CCSER1: variants seen among roughly 807,000 people sequenced by gnomAD.
CCSER1 encodes the protein coiled-coil serine rich protein 1.
A neutral mutation model predicts 82.0 loss-of-function variants in CCSER1; 41 were observed. That is an observed-to-expected ratio of 0.50 (90% CI 0.39 to 0.65). The LOEUF is 0.65. Ranked by LOEUF, CCSER1 falls within the 30% of genes least tolerant of loss-of-function variation. The probability of loss-of-function intolerance (pLI) is 0.00; values close to 1 mark genes in which losing one functional copy is unlikely to be tolerated. For synonymous variants in CCSER1, 414 were observed against 383.9 expected, an observed-to-expected ratio of 1.08 and a Z score of -0.92; for missense variants, 1,119 against 1,064.2, an observed-to-expected ratio of 1.05 and a Z score of -0.72.
intron 10 of CCSER1, among the ~76,000 whole-genome samples, chr4:91,436,743 CAG>C (rs1228507249): frequency 6.6e-6 from 1 of 152,076 alleles, no homozygotes; most frequent in Non-Finnish European, 1.5e-5. Flanking sequence ...GCTAGGGAAA[CAG>C]AGAGATAGCC....
chr4:90,846,511 GATCAA>G (rs1763253879), intron 8 of CCSER1, among the ~76,000 whole-genome samples: 2 of 152,104 alleles, frequency 1.3e-5, no homozygotes, highest in African/African-American at 2.4e-5. Flanking sequence ...AATGTTTAAT[GATCAA>G]ATCAAGGCAT....
chr4:90,618,398 T>G (rs1721694337), intron 5 of CCSER1, among the ~76,000 whole-genome samples: 1 of 151,978 alleles, frequency 6.6e-6, no homozygotes, highest in South Asian at 2.1e-4. Context: ...ATAACACAAA[T>G]TATCAGAAGC....
chr4:90,227,822 G>T (rs1743503551), intron 1 of CCSER1, among the ~76,000 whole-genome samples: 1 of 152,230 alleles, frequency 6.6e-6, no homozygotes, highest in South Asian at 2.1e-4. Context: ...AGCGCAAAGA[G>T]TCAGGGAGTT....
chr4:91,243,055 G>A (rs1332016252), intron 10 of CCSER1, among the ~76,000 whole-genome samples: 1 of 152,200 alleles, frequency 6.6e-6, no homozygotes, highest in African/African-American at 2.4e-5. Flanking sequence ...CCCTCTCCCA[G>A]TGGTAGCCAT....
intron 3 of CCSER1, among the ~76,000 whole-genome samples, chr4:90,399,708 A>C (rs977741655): frequency 6.6e-6 from 1 of 152,104 alleles, no homozygotes; most frequent in Non-Finnish European, 1.5e-5. Context: ...TATTTCTCAT[A>C]TCAAGAAATC....
At chr4:90,174,711 A>G (rs1162798004) in intron 1 of CCSER1, among the ~76,000 whole-genome samples, 3 of 152,024 alleles carry the variant, frequency 2.0e-5, no homozygotes, top group Non-Finnish European at 4.4e-5. Context: ...TAGCACATGT[A>G]TGTGAGGAAA....
chr4:90,404,111 T>G (rs942473861), intron 4 of CCSER1: 1 of 152,234 alleles, frequency 6.6e-6, no homozygotes, highest in African/African-American at 2.4e-5. Flanking sequence ...GACTCAGTGC[T>G]GTTGTGGGAC....
At position 91,131,398 on chromosome 4, in the gene CCSER1, C is replaced by T. The variant is rs532805906; in HGVS notation, c.2217+45404C>T. Reference sequence around the variant, plus strand: ...GATTCCACACTGTTGTTGTATAGAACACACACTGACCTGGTTGTATCTGAT... The same window carrying T: ...GATTCCACACTGTTGTTGTATAGAATACACACTGACCTGGTTGTATCTGAT... On this transcript the variant is annotated intron_variant, in intron 10 of 10. Coordinates refer to ENST00000509176, the MANE Select transcript of CCSER1 (RefSeq NM_001145065.2). 6.7e-5 allele frequency among the ~76,000 whole-genome samples: 10 copies of T among 148,606 alleles called. No homozygotes were observed. The South Asian group carries it at 1.9e-3, about 28-fold the overall frequency.
Position 91,174,797 on chromosome 4 carries a change from T to TG in CCSER1, c.2217+88804dup, listed in dbSNP as rs549198635. Among the ~76,000 whole-genome samples, 42 of 148,834 alleles carry TG rather than the reference T, an allele frequency of 2.8e-4. 1 individual carries two copies. The South Asian group carries it at 8.8e-3, about 31-fold the overall frequency. On this transcript the variant is annotated intron_variant, in intron 10 of 10. Transcript: ENST00000509176. ...TTTATTAAGCTCCTCCTAGGCCCCA[T>TG]GCTAGTTTTCTTTGTTTTTCTTTTC...
intron 1 of CCSER1, among the ~76,000 whole-genome samples, chr4:90,258,698 TGTTA>T (rs1205336350): frequency 6.6e-6 from 1 of 152,156 alleles, no homozygotes; most frequent in African/African-American, 2.4e-5. Flanking sequence ...AGTACATATG[TGTTA>T]GTTTTATTTT....
chr4:91,538,698 C>CATATATT, intron 10 of CCSER1, among the ~76,000 whole-genome samples: 15 of 138,324 alleles, frequency 1.1e-4, no homozygotes, highest in African/African-American at 3.6e-4. Flanking sequence ...TATATATACA[C>CATATATT]ATATATATAT....
chr4:91,180,945 G>T (rs1560498175), intron 10 of CCSER1, among the ~76,000 whole-genome samples: 2 of 152,192 alleles, frequency 1.3e-5, no homozygotes, highest in Admixed American at 6.5e-5. Context: ...GATTGGGCTA[G>T]TTAACTGCAG....
chr4:91,067,212 A>G (rs913367388), intron 9 of CCSER1, among the ~76,000 whole-genome samples: 1 of 152,160 alleles, frequency 6.6e-6, no homozygotes, highest in Non-Finnish European at 1.5e-5. Context: ...AGCACTCAAA[A>G]CAACACTTGT....
chr4:91,159,902 CT>C (rs200520341), intron 10 of CCSER1, among the ~76,000 whole-genome samples: 2 of 151,592 alleles, frequency 1.3e-5, no homozygotes, highest in African/African-American at 4.8e-5. Flanking sequence ...CTAAAGCTAA[CT>C]TTTTTTTATT....
chr4:90,596,883 A>T (rs1295007622), intron 5 of CCSER1, among the ~76,000 whole-genome samples: 1 of 151,924 alleles, frequency 6.6e-6, no homozygotes, highest in African/African-American at 2.4e-5. Flanking sequence ...TGAATGACAG[A>T]CTGAAATAGT....
At chr4:90,671,192 G>A (rs915851285) in intron 6 of CCSER1, among the ~76,000 whole-genome samples, 37 of 152,104 alleles carry the variant, frequency 2.4e-4, no homozygotes, top group African/African-American at 8.7e-4. Context: ...TGAAGGTTGC[G>A]ATGGCTGTGA....
At chr4:90,937,992 C>G (rs1731163313) in intron 9 of CCSER1, among the ~76,000 whole-genome samples, 1 of 152,068 alleles carries the variant, frequency 6.6e-6, no homozygotes, top group African/African-American at 2.4e-5. Flanking sequence ...TTATATCACT[C>G]TAACTAAACT....
At chr4:91,020,318 T>G (rs1057081969) in intron 9 of CCSER1, among the ~76,000 whole-genome samples, 1 of 152,180 alleles carries the variant, frequency 6.6e-6, no homozygotes, top group Non-Finnish European at 1.5e-5. Flanking sequence ...TTGGTAAGTA[T>G]TCTCTAATTA....
chr4:91,091,129 C>G (rs552297911), intron 10 of CCSER1, among the ~76,000 whole-genome samples: 2 of 152,282 alleles, frequency 1.3e-5, no homozygotes, highest in South Asian at 4.1e-4. Context: ...ATTAAAAGAG[C>G]CACATCCTGC....
Sources: gnomAD v4.1 joint callset for allele counts (sites outside exome capture counted in the v4.1 genomes callset) on GRCh38, gnomAD v4.1.1 for gene constraint, MANE v1.5 for transcripts, NCBI Gene and HGNC (gene_info 2026-07-23, HGNC 2026-07-21) for gene names.